Variants in GATAD2A observed in about 807,000 individuals in gnomAD.
The protein encoded by GATAD2A is GATA zinc finger domain containing 2A.
GATAD2A carries 12 observed loss-of-function variants against 68.5 expected under a neutral mutation model. The ratio of observed to expected loss-of-function variants is 0.18; its 90% CI spans 0.11 to 0.28. GATAD2A has a LOEUF of 0.28. Ranked by LOEUF, GATAD2A falls within the 10% of genes least tolerant of loss-of-function variation. GATAD2A has a pLI of 1.00. For synonymous variants in GATAD2A, 410 were observed against 375.3 expected (o/e 1.09, Z -1.07); for missense variants, 755 against 868.5 (o/e 0.87, Z 1.64).
intron 1 of GATAD2A, among the ~76,000 whole-genome samples, chr19:19,461,937 G>A (rs1260161548): frequency 6.6e-6 from 1 of 152,200 alleles, no homozygotes; most frequent in Non-Finnish European, 1.5e-5. Flanking sequence ...TCAGCCCCCA[G>A]GACGGGGCTA....
exon 1 of GATAD2A, chr19:19,386,014 G>C (rs1270951992): frequency 2.0e-5 from 3 of 151,270 alleles, no homozygotes; most frequent in Non-Finnish European, 4.4e-5. Context: ...CGCTGCCGCC[G>C]CCGCCACAGC....
intron 1 of GATAD2A, among the ~76,000 whole-genome samples, chr19:19,433,476 T>C (rs1489320208): frequency 1.3e-5 from 2 of 152,232 alleles, no homozygotes; most frequent in African/African-American, 4.8e-5. Flanking sequence ...TCAAACCATC[T>C]GCTGGGAATT....
intron 1 of GATAD2A, among the ~76,000 whole-genome samples, chr19:19,388,062 T>A (rs1205610043): frequency 6.6e-6 from 1 of 151,706 alleles, no homozygotes; most frequent in African/African-American, 2.4e-5. Context: ...CTCCTCCTTT[T>A]TTTTTTTTTT....
At chr19:19,418,216 C>CA (rs2051890247) in intron 1 of GATAD2A, among the ~76,000 whole-genome samples, 1 of 152,084 alleles carries the variant, frequency 6.6e-6, no homozygotes, top group Non-Finnish European at 1.5e-5. Flanking sequence ...GTGGAGGCCC[C>CA]ATGTGACCAT....
intron 1 of GATAD2A, among the ~76,000 whole-genome samples, chr19:19,408,528 C>CGT (rs147448210): frequency 1.3e-5 from 2 of 151,906 alleles, no homozygotes; most frequent in Non-Finnish European, 2.9e-5. Flanking sequence ...CTGTATTTTG[C>CGT]GTGTGTGTGT....
In GATAD2A at chr19:19,506,609, T is replaced by C. The variant is rs1031764539; in HGVS notation, c.*1135T>C. ...TAGGGGTTGCTGTCAGGATTTGCTT[T>C]CAGACTTTTTTTTTTTTTGTAATTC... On this transcript the variant is annotated 3_prime_UTR_variant, in exon 12 of 12. Coordinates refer to ENST00000683918, the MANE Select transcript of GATAD2A (RefSeq NM_001384528.1). 6.5e-6 allele frequency: 1 copy of C among 154,354 alleles called. No homozygotes were observed. Among genetic ancestry groups the C allele is most frequent in the Non-Finnish European group, 1.4e-5 (1 of 69,964 alleles). 9.6% of individuals were successfully genotyped at this position (154,354 alleles called of 1,614,324 possible). A position where few individuals can be genotyped will look rare whatever the true frequency, so the allele number is the denominator to read the frequency against.
chr19:19,398,234 G>A (rs376816177), intron 1 of GATAD2A, among the ~76,000 whole-genome samples: 4 of 149,200 alleles, frequency 2.7e-5, no homozygotes, highest in East Asian at 4.0e-4. Context: ...ATGGAGTCTC[G>A]CTCTTGTTGC....
At chr19:19,418,617 G>GT (rs2051943325) in intron 1 of GATAD2A, among the ~76,000 whole-genome samples, 1 of 152,140 alleles carries the variant, frequency 6.6e-6, no homozygotes, top group Non-Finnish European at 1.5e-5. Flanking sequence ...CCAGCTTGAG[G>GT]TTTTGGACAC....
chr19:19,484,518 C>CTTTTTTTTTTTTCTTT (rs2059278742), intron 2 of GATAD2A, among the ~76,000 whole-genome samples: 1 of 114,466 alleles, frequency 8.7e-6, no homozygotes, highest in African/African-American at 3.3e-5. Flanking sequence ...TTTTCTTTTT[C>CTTTTTTTTTTTTCTTT]TTTTTTTTTT....
intron 1 of GATAD2A, among the ~76,000 whole-genome samples, chr19:19,411,292 A>G (rs546518157): frequency 3.6e-4 from 55 of 152,230 alleles, no homozygotes; most frequent in African/African-American, 1.3e-3. Flanking sequence ...TCTTGACGAT[A>G]CTGAATGCCT....
intron 1 of GATAD2A, among the ~76,000 whole-genome samples, chr19:19,414,659 C>T (rs1202825500): frequency 1.3e-5 from 2 of 149,962 alleles, no homozygotes; most frequent in Admixed American, 6.7e-5. Context: ...GCCTCATCCT[C>T]CCAAGTAGCT....
At chr19:19,443,609 G>A (rs1448855229) in intron 1 of GATAD2A, among the ~76,000 whole-genome samples, 4 of 152,108 alleles carry the variant, frequency 2.6e-5, no homozygotes, top group Admixed American at 6.5e-5. Flanking sequence ...AGAAAGGAGC[G>A]GCATGTGGAG....
At chr19:19,500,736 C>T (rs1042278738) in intron 8 of GATAD2A, among the ~76,000 whole-genome samples, 7 of 152,242 alleles carry the variant, frequency 4.6e-5, no homozygotes, top group African/African-American at 1.7e-4. Flanking sequence ...CTCATCAGGA[C>T]ATGGCGCATT....
At chr19:19,385,985 C>A (rs1483089316) in exon 1 of GATAD2A, 3 of 149,894 alleles carry the variant, frequency 2.0e-5, no homozygotes, top group South Asian at 3.8e-4. Context: ...GTCGGTCGGT[C>A]GGTCGTCTGT....
intron 1 of GATAD2A, among the ~76,000 whole-genome samples, chr19:19,438,266 G>A (rs2054596284): frequency 6.6e-6 from 1 of 152,242 alleles, no homozygotes; most frequent in South Asian, 2.1e-4. Flanking sequence ...CCTTTTTGGA[G>A]ATAGGCTCTC....
intron 1 of GATAD2A, among the ~76,000 whole-genome samples, chr19:19,450,471 G>C (rs997647312): frequency 3.9e-5 from 6 of 152,166 alleles, no homozygotes; most frequent in Non-Finnish European, 8.8e-5. Flanking sequence ...TTGGTGGCCT[G>C]AGGGGAGGTA....
intron 2 of GATAD2A, among the ~76,000 whole-genome samples, chr19:19,490,065 T>C (rs979494169): frequency 6.6e-6 from 1 of 152,202 alleles, no homozygotes; most frequent in Non-Finnish European, 1.5e-5. Context: ...TGGGTTACTT[T>C]AGAAACAAAC....
Position 19,502,484 on chromosome 19 carries a change from G to C in GATAD2A, c.1732G>C (p.Gly578Arg), listed in dbSNP as rs749136194. ...TGAGAGAACCGTGAGCGCCGGCAAG[G>C]GCAGCGCCACCTCCAACTGGAAGAA... is the stretch of plus-strand genomic sequence containing the variant. ...HSERTVSAGK[G>R]SATSNWKKTP... Residue 578 changes from glycine (G) to arginine (R), a missense_variant, in exon 11 of 12, where the codon GGC becomes CGC. Physicochemically the swap from Gly to Arg is moderately radical, Grantham distance 125. Transcript: ENST00000683918. The C allele has an allele frequency of 2.5e-6, 4 of 1,613,238 alleles. No homozygotes were observed. The highest frequency in any genetic ancestry group is 3.4e-6 in the Non-Finnish European group (4 of 1,179,954).
chr19:19,419,053 T>C (rs2052003892), intron 1 of GATAD2A, among the ~76,000 whole-genome samples: 1 of 152,066 alleles, frequency 6.6e-6, no homozygotes, highest in Non-Finnish European at 1.5e-5. Context: ...GCCTGTACCC[T>C]CCACCATCCT....
Sources: allele counts gnomAD v4.1 joint callset (sites outside exome capture counted in the v4.1 genomes callset), GRCh38; gene constraint gnomAD v4.1.1; transcripts MANE v1.5; gene names NCBI Gene and HGNC (gene_info 2026-07-23, HGNC 2026-07-21).